Variants in ADGRF5 observed in about 807,000 individuals in gnomAD.
ADGRF5 encodes the protein adhesion G protein-coupled receptor F5, also known as G-protein coupled receptor 116.
Under a neutral mutation model 132.3 loss-of-function variants are expected in ADGRF5, and 75 were observed. The ratio of observed to expected loss-of-function variants is 0.57; its 90% CI spans 0.47 to 0.69. The LOEUF is 0.69. Ranked by LOEUF, ADGRF5 falls within the 30% of genes least tolerant of loss-of-function variation. The pLI is 0.00. For missense variants in ADGRF5, 1,516 were observed against 1,630.6 expected, an observed-to-expected ratio of 0.93 and a Z score of 1.21; for synonymous variants, 629 against 597.6, an observed-to-expected ratio of 1.05 and a Z score of -0.77.
At position 46,858,378 on chromosome 6, in the gene ADGRF5, G is replaced by T; in HGVS notation, c.3525C>A (p.Phe1175Leu). 6.2e-7 allele frequency: 1 copy of T among 1,613,976 alleles called. No homozygotes were observed. Among genetic ancestry groups the T allele is most frequent in the Non-Finnish European group, 8.5e-7 (1 of 1,179,916 alleles). The stretch of plus-strand genomic sequence containing the variant: ...CCACAATGATCAGTGCTGGGATGGC[G>T]AAAGCCAGCAGGGCCTTGGTGTCCT... ...NWEDTKALLA[F>L]AIPALIIVVV... The change falls in exon 17 of 21, where the codon TTC becomes TTA. Residue 1175 changes from phenylalanine (F) to leucine (L), a missense_variant. Physicochemically the swap from Phe to Leu is conservative, Grantham distance 22 (BLOSUM62 0). Coordinates refer to ENST00000283296, the MANE Select transcript of ADGRF5 (RefSeq NM_001098518.2).
chr6:46,892,330 C>G (rs1226786445), intron 3 of ADGRF5, among the ~76,000 whole-genome samples: 1 of 152,048 alleles, frequency 6.6e-6, no homozygotes, highest in African/African-American at 2.4e-5. Context: ...GTCTTTAGAA[C>G]TTTGATATAC....
intron 1 of ADGRF5, among the ~76,000 whole-genome samples, chr6:46,948,145 T>C (rs1258390493): frequency 6.6e-6 from 1 of 152,222 alleles, no homozygotes; most frequent in Non-Finnish European, 1.5e-5. Context: ...AAGCTTTGCT[T>C]GTAAAGTGTG....
chr6:46,928,488 C>A (rs1436114783), intron 1 of ADGRF5, among the ~76,000 whole-genome samples: 1 of 152,154 alleles, frequency 6.6e-6, no homozygotes, highest in Non-Finnish European at 1.5e-5. Context: ...ACCACCTCTT[C>A]ACTGAGCGCT....
intron 4 of ADGRF5, 47 bp from the exon 5 acceptor site, chr6:46,884,318 T>G: frequency 6.8e-7 from 1 of 1,475,158 alleles, no homozygotes; most frequent in Non-Finnish European, 9.4e-7. Flanking sequence ...GAGAAGGTGG[T>G]CACCATATTT....
rs565892270 is a variant in ADGRF5 at position 46,854,715 on chromosome 6, C to A, written c.3962-644G>T. 3.9e-5 allele frequency: 50 copies of A among 1,284,654 alleles called. 1 individual carries two copies. The East Asian group carries it at 2.7e-3, about 69-fold the overall frequency. The allele number at this position is 1,284,654 out of a possible 1,614,324, so 79.6% of individuals were successfully genotyped here. A position where few individuals can be genotyped will look rare whatever the true frequency, so the allele number is the denominator to read the frequency against. On this transcript the variant is annotated intron_variant, in intron 20 of 20. Coordinates refer to ENST00000283296, the MANE Select transcript of ADGRF5 (RefSeq NM_001098518.2). ...AAAAGGGTTGAAGTGCCCACCCTAC[C>A]ATCAGATTGCTGAACTGCCACCGCT... is the stretch of plus-strand genomic sequence containing the variant.
intron 1 of ADGRF5, among the ~76,000 whole-genome samples, chr6:46,919,515 C>T (rs1293491347): frequency 1.3e-5 from 2 of 152,150 alleles, no homozygotes; most frequent in Admixed American, 1.3e-4. Flanking sequence ...AGGTGGGACC[C>T]CATGGGATAT....
chr6:46,944,764 G>A (rs1476048104), intron 1 of ADGRF5, among the ~76,000 whole-genome samples: 1 of 152,112 alleles, frequency 6.6e-6, no homozygotes, highest in African/African-American at 2.4e-5. Flanking sequence ...ATAAAGAGCA[G>A]GGCACATACT....
intron 1 of ADGRF5, chr6:46,908,818 A>G (rs1301335317): frequency 1.3e-5 from 2 of 152,224 alleles, no homozygotes; most frequent in Admixed American, 1.3e-4. Flanking sequence ...GATGCAGAAG[A>G]TGATATACAG....
intron 3 of ADGRF5, among the ~76,000 whole-genome samples, chr6:46,890,345 G>A (rs1183793383): frequency 1.3e-5 from 2 of 151,944 alleles, no homozygotes; most frequent in Admixed American, 6.6e-5. Flanking sequence ...TGCCTGCCTT[G>A]GCCTCCCAAA....
At chr6:46,920,205 C>T (rs923662056) in intron 1 of ADGRF5, among the ~76,000 whole-genome samples, 1 of 152,140 alleles carries the variant, frequency 6.6e-6, no homozygotes, top group African/African-American at 2.4e-5. Flanking sequence ...AAAGCCCAAA[C>T]CACTAATTGG....
chr6:46,876,918 A>G (rs1284468571), intron 10 of ADGRF5, among the ~76,000 whole-genome samples: 1 of 152,204 alleles, frequency 6.6e-6, no homozygotes, highest in Admixed American at 6.5e-5. Flanking sequence ...TAATTTTTTA[A>G]AAATAATTTA....
At chr6:46,884,634 A>G (rs1224908856) in intron 4 of ADGRF5, among the ~76,000 whole-genome samples, 3 of 152,232 alleles carry the variant, frequency 2.0e-5, no homozygotes, top group South Asian at 2.1e-4. Flanking sequence ...ACCCTTTTGT[A>G]CTACCTTCTT....
At position 46,867,036 on chromosome 6, in the gene ADGRF5, G is replaced by T; in HGVS notation, c.1723C>A (p.Pro575Thr). The change falls in exon 13 of 21, where the codon CCT (proline) becomes ACT (threonine). Residue 575 changes from proline (P) to threonine (T), a missense_variant. By Grantham distance (38) the Pro-to-Thr change is conservative. This residue lies in a region of ADGRF5 where 945 missense variants were observed against 929.4 expected (regional missense o/e 1.02). Transcript: ENST00000283296. The stretch of plus-strand genomic sequence containing the variant: ...CTGCATGAAACAGTAGCTTCCAAAG[G>T]ATCAACCATGATGTTCAGCTTTAGA... ...LPLKLNIMVD[P>T]LEATVSCSGS... 6.2e-7 allele frequency: 1 copy of T among 1,613,506 alleles called. No individual in the cohort carries two copies. The highest frequency in any genetic ancestry group is 8.5e-7 in the Non-Finnish European group (1 of 1,179,444).
chr6:46,888,074 T>A, intron 4 of ADGRF5: 1 of 312,746 alleles, frequency 3.2e-6, no homozygotes, highest in Non-Finnish European at 5.6e-6. Context: ...TGGCCATATC[T>A]TGGGATCACT....
chr6:46,881,416 C>A, intron 8 of ADGRF5, 39 bp downstream of exon 8: 2 of 1,565,506 alleles, frequency 1.3e-6, no homozygotes, highest in Admixed American at 1.7e-5. Flanking sequence ...TTACGCATAA[C>A]CATAAATAAC....
intron 1 of ADGRF5, among the ~76,000 whole-genome samples, chr6:46,949,752 A>G (rs966952807): frequency 4.6e-5 from 7 of 152,198 alleles, no homozygotes; most frequent in Admixed American, 4.6e-4. Context: ...GCCTGACTCT[A>G]CTTGAGCTGA....
chr6:46,953,312 A>G (rs1778567032), intron 1 of ADGRF5, among the ~76,000 whole-genome samples: 1 of 152,120 alleles, frequency 6.6e-6, no homozygotes, highest in Admixed American at 6.6e-5. Context: ...GCTGTAAGCA[A>G]CAGAGTGCAA....
intron 2 of ADGRF5, among the ~76,000 whole-genome samples, chr6:46,905,745 ATGAC>A (rs1775288146): frequency 7.4e-6 from 1 of 134,918 alleles, no homozygotes; most frequent in Non-Finnish European, 1.5e-5. Flanking sequence ...TCTAACAACA[ATGAC>A]TGACAAAAAA....
chr6:46,932,823 T>A (rs574750153), intron 1 of ADGRF5, among the ~76,000 whole-genome samples: 2 of 152,284 alleles, frequency 1.3e-5, no homozygotes, highest in East Asian at 3.9e-4. Context: ...ATACTAAGAC[T>A]CCTCTCAATT....
Sources: allele counts gnomAD v4.1 joint callset (sites outside exome capture counted in the v4.1 genomes callset), GRCh38; gene constraint gnomAD v4.1.1; regional missense constraint gnomAD v4.1.1; transcripts MANE v1.5; gene names NCBI Gene and HGNC (gene_info 2026-07-23, HGNC 2026-07-21).